TBC1D5: variants seen among roughly 807,000 people sequenced by gnomAD.
TBC1D5 encodes TBC1 domain family member 5.
In TBC1D5, 75 loss-of-function variants were observed where a neutral mutation model predicts 100.3. The observed-to-expected ratio is 0.75, with a 90% CI of 0.62 to 0.91. TBC1D5 has a LOEUF of 0.91. Ranked by LOEUF, TBC1D5 falls within the 40% of genes least tolerant of loss-of-function variation. The pLI, the probability that TBC1D5 is intolerant of heterozygous loss-of-function variation, is 0.00. For synonymous variants in TBC1D5, 323 were observed against 325.6 expected (o/e 0.99, Z 0.09); for missense variants, 910 against 942.4 (o/e 0.97, Z 0.45).
chr3:17,472,133 A>T (rs953921561), intron 3 of TBC1D5, among the ~76,000 whole-genome samples: 7 of 150,818 alleles, frequency 4.6e-5, no homozygotes, highest in Non-Finnish European at 1.0e-4. Flanking sequence ...TTATGAAAGG[A>T]GTTTTTTTTT....
intron 1 of TBC1D5, among the ~76,000 whole-genome samples, chr3:17,730,111 C>CA (rs879311719): frequency 8.9e-4 from 119 of 134,196 alleles, no homozygotes; most frequent in African/African-American, 1.1e-3. Flanking sequence ...AACTCCATCT[C>CA]AAAAAAAAAA....
At chr3:17,705,376 T>A (rs1308962930) in intron 1 of TBC1D5, among the ~76,000 whole-genome samples, 1 of 113,586 alleles carries the variant, frequency 8.8e-6, no homozygotes, top group African/African-American at 3.3e-5. Flanking sequence ...CCGGACGGGG[T>A]GGCTGCCGGG....
intron 18 of TBC1D5, among the ~76,000 whole-genome samples, chr3:17,201,839 A>G (rs1391848967): frequency 6.6e-6 from 1 of 152,194 alleles, no homozygotes; most frequent in African/African-American, 2.4e-5. Context: ...CTTTGAGCCA[A>G]TTAAATCTTT....
intron 15 of TBC1D5, among the ~76,000 whole-genome samples, chr3:17,283,688 A>G (rs2080848796): frequency 6.6e-6 from 1 of 152,016 alleles, no homozygotes; most frequent in Non-Finnish European, 1.5e-5. Context: ...TGTCTTAATC[A>G]TTGCCAAGAA....
At chr3:17,592,310 C>T (rs949182881) in intron 2 of TBC1D5, among the ~76,000 whole-genome samples, 5 of 152,154 alleles carry the variant, frequency 3.3e-5, no homozygotes, top group African/African-American at 9.7e-5. Context: ...CTGGATCCAG[C>T]GAGAAAGAAG....
chr3:17,705,349 C>CA lies in TBC1D5; in HGVS notation c.-101+33993_-101+33994insT, dbSNP rs1251090228. Among the ~76,000 whole-genome samples the CA allele has an allele frequency of 1.4e-4, 15 of 108,308 alleles. 2 individuals are homozygous for CA. Among genetic ancestry groups the CA allele is most frequent in the Admixed American group, 1.2e-3 (14 of 11,574 alleles). The allele number at this position is 108,308 out of a possible 152,430, so 71.1% of individuals were successfully genotyped here. On this transcript the variant is annotated intron_variant, in intron 1 of 21. Coordinates refer to ENST00000253692, the Ensembl canonical transcript of TBC1D5. The stretch of plus-strand genomic sequence containing the variant: ...GCGGCTGGCCGGGCTGGGGGCTGAC[C>CA]CCCCCCCACCTCCCTCCCGGACGGG...
rs1338652987 is a variant in TBC1D5, at chr3:17,706,165, C to T, written c.-101+33178G>A. ...AGGCTGCAGTTGATGGGGGAGACAT[C>T]GGCAGGCAGCCGCTCGAAGGGCCTC... On this transcript the variant is annotated intron_variant, in intron 1 of 21. Coordinates refer to ENST00000253692, the Ensembl canonical transcript of TBC1D5. The T allele has an allele frequency of 9.5e-6, 15 of 1,575,214 alleles. No individual in the cohort carries two copies. In the African/African-American group the frequency reaches 1.1e-4, roughly 11 times the overall value.
chr3:17,348,637 TCTA>T (rs1484646216), intron 13 of TBC1D5, among the ~76,000 whole-genome samples: 1 of 152,176 alleles, frequency 6.6e-6, no homozygotes, highest in African/African-American at 2.4e-5. Context: ...ATGGGGTCAA[TCTA>T]CTGGCCACAG....
intron 1 of TBC1D5, among the ~76,000 whole-genome samples, chr3:17,733,125 G>A (rs1274360986): frequency 1.3e-5 from 2 of 152,184 alleles, no homozygotes; most frequent in East Asian, 3.8e-4. Flanking sequence ...GGAGTCCAGA[G>A]AGAGAATCAT....
intron 1 of TBC1D5, among the ~76,000 whole-genome samples, chr3:17,738,491 A>G (rs1027682876): frequency 6.6e-6 from 1 of 152,230 alleles, no homozygotes; most frequent in African/African-American, 2.4e-5. Flanking sequence ...TAAGTAGCTG[A>G]CCAGCATGGC....
chr3:17,683,541 G>C (rs978859680), intron 1 of TBC1D5, among the ~76,000 whole-genome samples: 2 of 152,066 alleles, frequency 1.3e-5, no homozygotes, highest in African/African-American at 2.4e-5. Context: ...AATATACTTT[G>C]CAAGTTAAAT....
At chr3:17,236,067 A>C (rs930460813) in intron 17 of TBC1D5, among the ~76,000 whole-genome samples, 2 of 152,140 alleles carry the variant, frequency 1.3e-5, no homozygotes, top group Non-Finnish European at 2.9e-5. Flanking sequence ...TTGTCTCCTT[A>C]TAACTGGGGA....
At chr3:17,513,328 T>A (rs1446372265) in intron 2 of TBC1D5, among the ~76,000 whole-genome samples, 1 of 147,924 alleles carries the variant, frequency 6.8e-6, no homozygotes, top group Non-Finnish European at 1.5e-5. Flanking sequence ...CAAGACTCCA[T>A]CTCAAAAAAA....
At chr3:17,710,974 G>A (rs1273702776) in intron 1 of TBC1D5, among the ~76,000 whole-genome samples, 1 of 152,080 alleles carries the variant, frequency 6.6e-6, no homozygotes, top group African/African-American at 2.4e-5. Context: ...TAGAATTACA[G>A]GCATGAGCCA....
intron 8 of TBC1D5, among the ~76,000 whole-genome samples, chr3:17,398,742 T>C (rs2093571137): frequency 9.3e-6 from 1 of 107,240 alleles, no homozygotes; most frequent in Non-Finnish European, 1.9e-5. Context: ...TCCTGCATTG[T>C]AATTTTTTTT....
chr3:17,300,417 T>C (rs1195348363), intron 14 of TBC1D5, among the ~76,000 whole-genome samples: 2 of 152,198 alleles, frequency 1.3e-5, no homozygotes, highest in Admixed American at 1.3e-4. Flanking sequence ...CAATATGACA[T>C]TGAACATGCT....
intron 9 of TBC1D5, among the ~76,000 whole-genome samples, chr3:17,377,350 T>TA (rs966107926): frequency 1.1e-4 from 16 of 151,962 alleles, no homozygotes; most frequent in African/African-American, 3.1e-4. Flanking sequence ...AAAAGGGTAC[T>TA]AAAAAAAATC....
chr3:17,395,361 A>T (rs748059707), intron 8 of TBC1D5, among the ~76,000 whole-genome samples: 1 of 152,106 alleles, frequency 6.6e-6, no homozygotes, highest in Admixed American at 6.6e-5. Flanking sequence ...GCCAGACGAG[A>T]CTGTGTCGCA....
intron 3 of TBC1D5, among the ~76,000 whole-genome samples, chr3:17,452,562 C>T (rs1306000198): frequency 6.6e-6 from 1 of 151,798 alleles, no homozygotes; most frequent in African/African-American, 2.4e-5. Flanking sequence ...GATATCCAGA[C>T]AAAGAATGTC....
Sources: gnomAD v4.1 joint callset for allele counts (sites outside exome capture counted in the v4.1 genomes callset) on GRCh38, gnomAD v4.1.1 for gene constraint, MANE v1.5 for transcripts, NCBI Gene and HGNC (gene_info 2026-07-23, HGNC 2026-07-21) for gene names.